The following MRC2 variants were observed in gnomAD, a reference collection of about 807,000 sequenced individuals.
The protein encoded by MRC2 is mannose receptor C-type 2.
MRC2 carries 84 observed loss-of-function variants against 206.2 expected under a neutral mutation model. That is an observed-to-expected ratio of 0.41 (90% CI 0.34 to 0.49). The LOEUF is 0.49. Among genes scored for constraint, MRC2 ranks in the 20% least tolerant of loss-of-function variants. The probability of loss-of-function intolerance (pLI) is 0.31; values close to 1 mark genes in which losing one functional copy is unlikely to be tolerated. For synonymous variants in MRC2, 798 were observed against 800.0 expected, an observed-to-expected ratio of 1.00 and a Z score of 0.04; for missense variants, 1,676 against 2,001.5, an observed-to-expected ratio of 0.84 and a Z score of 3.10.
intron 20 of MRC2, among the ~76,000 whole-genome samples, 172 bp from the exon 21 acceptor site, chr17:62,688,117 G>C (rs1164118239): frequency 4.6e-5 from 7 of 152,146 alleles, no homozygotes; most frequent in Non-Finnish European, 8.8e-5. Context: ...TGCCAAGCTG[G>C]GAGGTGCTGG....
Position 62,689,915 on chromosome 17 carries a change from G to C in MRC2, c.3595G>C (p.Val1199Leu). Residue 1199 changes from valine to leucine, a missense_variant, in exon 25 of 30, where the codon GTC becomes CTC. Val to Leu is a conservative substitution (Grantham distance 32). Coordinates refer to ENST00000303375, the MANE Select transcript of MRC2 (RefSeq NM_006039.5). ...GEEGSRRYSWVSEEPLNYVGW... is the reference protein window; with the variant it reads ...GEEGSRRYSWLSEEPLNYVGW... ...CCAGGGCTCTCGGCGGTACTCCTGG[G>C]TCTCAGAGGAGCCGCTGAACTACGT... is the stretch of plus-strand genomic sequence containing the variant. 1 of 1,601,992 alleles carries C rather than the reference G, an allele frequency of 6.2e-7. No individual in the cohort carries two copies. Among genetic ancestry groups the C allele is most frequent in the Non-Finnish European group, 8.5e-7 (1 of 1,175,556 alleles).
In MRC2 at chr17:62,672,360, G is replaced by C. The variant is rs1186826352; in HGVS notation, c.1461+208G>C. On this transcript the variant is annotated intron_variant, in intron 8 of 29. Coordinates refer to ENST00000303375, the MANE Select transcript of MRC2 (RefSeq NM_006039.5). This position sits in a 1 kb window ranked among gnomAD's most constrained non-coding sequence, Gnocchi z 4.5. ...CTACCTCCACCTCCACCTCCAAGTA[G>C]CCAAGTCACCTTGGGCAAGTTACTA... Among the ~76,000 whole-genome samples the C allele has an allele frequency of 6.6e-6, 1 of 152,096 alleles. No individual in the cohort carries two copies. Among genetic ancestry groups the C allele is most frequent in the Non-Finnish European group, 1.5e-5 (1 of 68,024 alleles).
At position 62,661,872 on chromosome 17, in the gene MRC2, T is replaced by C. The variant is rs1270921453; in HGVS notation, c.119-2676T>C. The C allele has an allele frequency of 2.6e-5, 4 of 152,248 alleles. No homozygotes were observed. In the East Asian group the frequency reaches 7.7e-4, roughly 29 times the overall value. 9.4% of individuals were successfully genotyped at this position (152,248 alleles called of 1,614,324 possible). A position where few individuals can be genotyped will look rare whatever the true frequency, so the allele number is the denominator to read the frequency against. The stretch of plus-strand genomic sequence containing the variant: ...TTATGGGAAAAAAGTTCTTATGCTA[T>C]TGAATTCATCAGTGTTGTCTATGAC... On this transcript the variant is annotated intron_variant, in intron 1 of 29. Transcript: ENST00000303375.
In MRC2 at chr17:62,692,461, C is replaced by T. The variant is rs770228183; in HGVS notation, c.*10C>T. 7.7e-6 allele frequency: 12 copies of T among 1,551,424 alleles called. No homozygotes were observed. Among genetic ancestry groups the T allele is most frequent in the South Asian group, 3.6e-5 (3 of 84,062 alleles). The stretch of plus-strand genomic sequence containing the variant: ...TGAGCAACAAGAATAGAGCCAGGCG[C>T]GTGGGCAGGGCCAGGGCGGGAGGAG... On this transcript the variant is annotated 3_prime_UTR_variant, in exon 30 of 30. Coordinates refer to ENST00000303375, the MANE Select transcript of MRC2 (RefSeq NM_006039.5). This position sits in a 1 kb window ranked among gnomAD's most constrained non-coding sequence, Gnocchi z 4.2.
rs530063298 is a variant in MRC2 at position 62,676,233 on chromosome 17, A to G, written c.1686-150A>G. 337 of 928,748 alleles carry G rather than the reference A, an allele frequency of 3.6e-4. 3 individuals are homozygous for G. Among genetic ancestry groups the G allele is most frequent in the Non-Finnish European group, 5.2e-5 (33 of 633,546 alleles). 57.5% of individuals were successfully genotyped at this position (928,748 alleles called of 1,614,324 possible). The stretch of plus-strand genomic sequence containing the variant: ...GAAGGGGCAGCTGGGGGTTCCATAA[A>G]TCAGCTGCAGGGCTCCCAGGCGTCC... On this transcript the variant is annotated intron_variant, in intron 10 of 29. Transcript: ENST00000303375.
rs370701516 is a variant in MRC2, at chr17:62,671,625, C to T, written c.1118-24C>T. 369 of 1,539,594 alleles carry T rather than the reference C, an allele frequency of 2.4e-4. No individual in the cohort carries two copies. The highest frequency in any genetic ancestry group is 3.0e-4 in the Non-Finnish European group (342 of 1,141,126). ...CAGACTGGGCGGCTCAGTCCCTGAGCAGCAGCCTCATGGGTCTCTGCAGAC... is the reference window on the plus strand; with the variant it reads ...CAGACTGGGCGGCTCAGTCCCTGAGTAGCAGCCTCATGGGTCTCTGCAGAC... On this transcript the variant is annotated intron_variant, in intron 6 of 29. Transcript: ENST00000303375. The surrounding 1 kb of genome is among the most constrained non-coding windows in gnomAD (Gnocchi z 4.5).
chr17:62,689,072 T>C, intron 23 of MRC2, 112 bp downstream of exon 23: 1 of 861,380 alleles, frequency 1.2e-6, no homozygotes, highest in Non-Finnish European at 1.9e-6. Flanking sequence ...AGGGCTCTGC[T>C]TGGGAAGCAG....
At chr17:62,689,414 TG>T in intron 23 of MRC2, 107 bp from the exon 24 acceptor site, 1 of 719,094 alleles carries the variant, frequency 1.4e-6, no homozygotes, top group Non-Finnish European at 2.3e-6. Flanking sequence ...GCGCCGAGTC[TG>T]GTGGAGACCG....
At position 62,692,102 on chromosome 17, in the gene MRC2, T is replaced by C. The variant is rs772457187; in HGVS notation, c.4193-10T>C. 4 of 1,614,112 alleles carry C rather than the reference T, an allele frequency of 2.5e-6. No homozygotes were observed. Among genetic ancestry groups the C allele is most frequent in the Non-Finnish European group, 3.4e-6 (4 of 1,180,050 alleles). ...GCTATTATTAACTGGCCCCCTCCTC[T>C]TGCCCACAGCTGAGCAGAGCAGCTT... On this transcript the variant is annotated splice_polypyrimidine_tract_variant and intron_variant, in intron 28 of 29. Transcript: ENST00000303375. This position sits in a 1 kb window ranked among gnomAD's most constrained non-coding sequence, Gnocchi z 4.2.
At position 62,690,953 on chromosome 17, in the gene MRC2, C is replaced by A. The variant is rs1162763520; in HGVS notation, c.4017C>A (p.Gly1339=). Residue 1339 remains glycine, a synonymous_variant, in exon 28 of 30, where the codon GGC becomes GGA. Coordinates refer to ENST00000303375, the MANE Select transcript of MRC2 (RefSeq NM_006039.5). ...TCAGTGCCTTCTTTCCTGCAGGAGG[C>A]ACTCTGGTCTGGCAGGACAACACAG... ...WLGMNFNPKG[G]TLVWQDNTAV... is the part of the protein sequence containing the mutation. The A allele has an allele frequency of 6.9e-6, 11 of 1,598,954 alleles. No homozygotes were observed. Among genetic ancestry groups the A allele is most frequent in the African/African-American group, 1.3e-5 (1 of 74,454 alleles).
chr17:62,681,467 T>A, intron 18 of MRC2: 1 of 476,022 alleles, frequency 2.1e-6, no homozygotes, highest in Admixed American at 3.9e-5. Flanking sequence ...CATATGATGA[T>A]CCGGGGGCCT....
chr17:62,672,657 T>C lies in MRC2; in HGVS notation c.1461+505T>C, dbSNP rs576647473. On this transcript the variant is annotated intron_variant, in intron 8 of 29. Transcript: ENST00000303375. The surrounding 1 kb of genome is among the most constrained non-coding windows in gnomAD (Gnocchi z 4.5). ...CTTAGATGTGGTGTAAGTGAAGGAA[T>C]TGATGGAGGGCTTCAAGCAGAGATG... Among the ~76,000 whole-genome samples, 120 of 152,068 alleles carry C rather than the reference T, an allele frequency of 7.9e-4. No individual in the cohort carries two copies. Among genetic ancestry groups the C allele is most frequent in the African/African-American group, 2.7e-3 (114 of 41,472 alleles).
At chr17:62,655,154 C>T (rs1008597196) in intron 1 of MRC2, among the ~76,000 whole-genome samples, 4 of 151,686 alleles carry the variant, frequency 2.6e-5, no homozygotes, top group Admixed American at 6.6e-5. Context: ...GGCGTGGTGG[C>T]GGGCGCCTGT....
chr17:62,668,372 A>G (rs1343665997), intron 6 of MRC2, among the ~76,000 whole-genome samples: 8 of 151,124 alleles, frequency 5.3e-5, no homozygotes, highest in Non-Finnish European at 1.0e-4. Flanking sequence ...ATAAATAAAT[A>G]AATAAATAAA....
Position 62,672,940 on chromosome 17 carries a change from T to C in MRC2, c.1461+788T>C, listed in dbSNP as rs2088844924. ...CTGGAAGGCAGAGGCTGCAGTGAGCTGAGATTGCACCACTGCACTCCAGCC... is the reference window on the plus strand; with the variant it reads ...CTGGAAGGCAGAGGCTGCAGTGAGCCGAGATTGCACCACTGCACTCCAGCC... On this transcript the variant is annotated intron_variant, in intron 8 of 29. Transcript: ENST00000303375. This position sits in a 1 kb window ranked among gnomAD's most constrained non-coding sequence, Gnocchi z 4.5. 1.3e-5 allele frequency among the ~76,000 whole-genome samples: 2 copies of C among 150,432 alleles called. No individual in the cohort carries two copies. The highest frequency in any genetic ancestry group is 4.9e-5 in the African/African-American group (2 of 40,782).
intron 20 of MRC2, among the ~76,000 whole-genome samples, chr17:62,685,780 G>A (rs996166337): frequency 1.3e-5 from 2 of 152,138 alleles, no homozygotes; most frequent in Admixed American, 6.6e-5. Context: ...GGGCTCAAGC[G>A]ATCCTCCTGC....
chr17:62,676,579 G>A, intron 11 of MRC2, 48 bp downstream of exon 11: 1 of 1,544,148 alleles, frequency 6.5e-7, no homozygotes, highest in Non-Finnish European at 8.7e-7. Flanking sequence ...AGGGAGGCCA[G>A]GGTGGACTGG....
Position 62,664,149 on chromosome 17 carries a change from C to T in MRC2, c.119-399C>T, listed in dbSNP as rs544162941. Among the ~76,000 whole-genome samples the T allele has an allele frequency of 3.0e-4, 45 of 151,790 alleles. No individual in the cohort carries two copies. Among genetic ancestry groups the T allele is most frequent in the African/African-American group, 8.7e-4 (36 of 41,380 alleles). ...TAATTTTTTGTATTTTTAGTAGAGA[C>T]GGGGTTTCACCGTTTTAGCCGGGAT... On this transcript the variant is annotated intron_variant, in intron 1 of 29. Transcript: ENST00000303375. The surrounding 1 kb of genome is among the most constrained non-coding windows in gnomAD (Gnocchi z 4.7).
chr17:62,627,884 G>A lies in MRC2; in HGVS notation c.82G>A (p.Gly28Ser). 2 of 1,472,228 alleles carry A rather than the reference G, an allele frequency of 1.4e-6. No individual in the cohort carries two copies. 91.2% of individuals were successfully genotyped at this position (1,472,228 alleles called of 1,614,324 possible). A position where few individuals can be genotyped will look rare whatever the true frequency, so the allele number is the denominator to read the frequency against. Residue 28 changes from glycine (G) to serine (S), a missense_variant, in exon 1 of 30, where the codon GGC becomes AGC. Gly to Ser is a moderately conservative substitution (Grantham distance 56). This residue lies in a region of MRC2 where 318 missense variants were observed against 346.7 expected (regional missense o/e 0.92). Coordinates refer to ENST00000303375, the MANE Select transcript of MRC2 (RefSeq NM_006039.5). ...CVLLLGCLHL[G>S]RPGAPGDAAL... ...CCTGCTCCTCGGGTGCCTGCACCTC[G>A]GCCGTCCCGGCGCCCCTGGGGACGC...
Sources: allele counts gnomAD v4.1 joint callset (sites outside exome capture counted in the v4.1 genomes callset), GRCh38; gene constraint gnomAD v4.1.1; regional missense constraint gnomAD v4.1.1; non-coding constraint Gnocchi (gnomAD v3.1); transcripts MANE v1.5; gene names NCBI Gene and HGNC (gene_info 2026-07-23, HGNC 2026-07-21).